The following ARHGAP32 variants were observed in gnomAD, a reference collection of about 807,000 sequenced individuals.
The protein encoded by ARHGAP32 is rho GTPase-activating protein 32.
ARHGAP32 carries 51 observed loss-of-function variants against 186.5 expected under a neutral mutation model. That is an observed-to-expected ratio of 0.27 (90% CI 0.22 to 0.35). The LOEUF is 0.35. Among genes scored for constraint, ARHGAP32 ranks in the 10% least tolerant of loss-of-function variants. The pLI is 1.00. For synonymous variants in ARHGAP32, 950 were observed against 964.3 expected (o/e 0.99, Z 0.27); for missense variants, 2,186 against 2,623.5 (o/e 0.83, Z 3.64).
intron 12 of ARHGAP32, among the ~76,000 whole-genome samples, chr11:128,989,389 G>A (rs188418002): frequency 7.5e-4 from 114 of 152,144 alleles, no homozygotes; most frequent in Non-Finnish European, 1.2e-3. Context: ...AATTTTTACA[G>A]AGAAGAAATT....
chr11:129,270,901 T>C (rs1565486215), intron 1 of ARHGAP32, among the ~76,000 whole-genome samples: 1 of 152,056 alleles, frequency 6.6e-6, no homozygotes, highest in Non-Finnish European at 1.5e-5. Context: ...TACTGGATGT[T>C]GGATGTTTAG....
At chr11:129,270,338 GCT>G (rs1945458563) in intron 1 of ARHGAP32, among the ~76,000 whole-genome samples, 1 of 152,118 alleles carries the variant, frequency 6.6e-6, no homozygotes, top group African/African-American at 2.4e-5. Context: ...CAGTAAAAAG[GCT>G]GGTGGTTGAC....
intron 6 of ARHGAP32, among the ~76,000 whole-genome samples, chr11:129,083,721 A>G (rs1344304289): frequency 6.6e-6 from 1 of 152,212 alleles, no homozygotes; most frequent in Non-Finnish European, 1.5e-5. Flanking sequence ...TTGAAATAGA[A>G]AAGAAGAAAC....
At chr11:129,162,532 A>C (rs920625669) in intron 2 of ARHGAP32, among the ~76,000 whole-genome samples, 9 of 152,192 alleles carry the variant, frequency 5.9e-5, no homozygotes, top group Non-Finnish European at 1.0e-4. Context: ...ACTACAGGCA[A>C]GAATATTCTC....
At chr11:129,137,008 A>T (rs1033572888) in intron 2 of ARHGAP32, among the ~76,000 whole-genome samples, 6 of 152,004 alleles carry the variant, frequency 3.9e-5, no homozygotes, top group African/African-American at 1.4e-4. Context: ...GGTGAGAACA[A>T]CCTAGATGTC....
At chr11:129,128,839 C>T (rs1942726388) in intron 2 of ARHGAP32, among the ~76,000 whole-genome samples, 1 of 152,206 alleles carries the variant, frequency 6.6e-6, no homozygotes, top group South Asian at 2.1e-4. Context: ...CCTGCCTCGG[C>T]CTCCCGAGGT....
chr11:129,088,309 C>T (rs367719046), intron 6 of ARHGAP32, among the ~76,000 whole-genome samples: 2 of 152,156 alleles, frequency 1.3e-5, no homozygotes, highest in Admixed American at 6.5e-5. Flanking sequence ...TGGCTGGGCA[C>T]GGTGGCTTAC....
At chr11:129,186,195 CA>C (rs1944157062) in intron 1 of ARHGAP32, among the ~76,000 whole-genome samples, 1 of 152,118 alleles carries the variant, frequency 6.6e-6, no homozygotes, top group Non-Finnish European at 1.5e-5. Flanking sequence ...TTCAATTAAA[CA>C]ACCTAATAAC....
At chr11:129,008,120 T>C (rs1937882754) in intron 11 of ARHGAP32, among the ~76,000 whole-genome samples, 1 of 152,138 alleles carries the variant, frequency 6.6e-6, no homozygotes, top group African/African-American at 2.4e-5. Context: ...GCAAAGGTGA[T>C]TTAAGACTGT....
At chr11:129,124,705 A>T in intron 3 of ARHGAP32, 98 bp downstream of exon 3, 1 of 913,898 alleles carries the variant, frequency 1.1e-6, no homozygotes, top group African/African-American at 1.7e-5. Flanking sequence ...GTAACAGCAT[A>T]TTTTTGTAAA....
At chr11:129,222,784 T>A (rs1473987689) in intron 1 of ARHGAP32, among the ~76,000 whole-genome samples, 1 of 152,210 alleles carries the variant, frequency 6.6e-6, no homozygotes, top group African/African-American at 2.4e-5. Flanking sequence ...ACTTCTTGTT[T>A]GCAAACTTTT....
chr11:129,094,927 C>A (rs1941688478), intron 5 of ARHGAP32, among the ~76,000 whole-genome samples: 1 of 152,152 alleles, frequency 6.6e-6, no homozygotes, highest in Non-Finnish European at 1.5e-5. Flanking sequence ...TGAGATGATG[C>A]ATGGACAGTG....
At chr11:129,000,086 C>G (rs1349802081) in intron 11 of ARHGAP32, among the ~76,000 whole-genome samples, 1 of 152,092 alleles carries the variant, frequency 6.6e-6, no homozygotes, top group African/African-American at 2.4e-5. Context: ...CATAATGACA[C>G]AGAACACACT....
intron 2 of ARHGAP32, among the ~76,000 whole-genome samples, chr11:129,125,673 A>G (rs1352029597): frequency 6.6e-6 from 1 of 152,086 alleles, no homozygotes; most frequent in Non-Finnish European, 1.5e-5. Flanking sequence ...AAAGCCAGAC[A>G]GTTTACATAC....
chr11:129,139,748 G>C (rs1943010514), intron 2 of ARHGAP32, among the ~76,000 whole-genome samples: 1 of 152,212 alleles, frequency 6.6e-6, no homozygotes, highest in African/African-American at 2.4e-5. Context: ...CCCCAGCCAT[G>C]TGGAACTGTA....
At chr11:128,972,320 T>C (rs562552451) in intron 22 of ARHGAP32, 133 bp downstream of exon 22, 5 of 1,044,924 alleles carry the variant, frequency 4.8e-6, no homozygotes, top group South Asian at 2.5e-5. Flanking sequence ...ATGGGAACTA[T>C]CTCATGGAAA....
intron 5 of ARHGAP32, among the ~76,000 whole-genome samples, chr11:129,108,015 G>C (rs1182169164): frequency 3.2e-4 from 49 of 151,862 alleles, no homozygotes; most frequent in Admixed American, 3.2e-3. Flanking sequence ...AAAATATACA[G>C]AGGAAAAAAT....
chr11:129,226,070 T>C (rs1192013027), intron 1 of ARHGAP32, among the ~76,000 whole-genome samples: 1 of 152,020 alleles, frequency 6.6e-6, no homozygotes, highest in Non-Finnish European at 1.5e-5. Flanking sequence ...TCTTCAAATA[T>C]GAAGATAGGT....
intron 2 of ARHGAP32, among the ~76,000 whole-genome samples, chr11:129,127,564 T>A (rs1204946354): frequency 8.9e-6 from 1 of 112,060 alleles, no homozygotes; most frequent in South Asian, 3.0e-4. Flanking sequence ...ATGAAGCCAG[T>A]AGAACTGAAA....
Sources: gnomAD v4.1 joint callset for allele counts (sites outside exome capture counted in the v4.1 genomes callset) on GRCh38, gnomAD v4.1.1 for gene constraint, MANE v1.5 for transcripts, NCBI Gene and HGNC (gene_info 2026-07-23, HGNC 2026-07-21) for gene names.